Variants in RHBG observed in about 807,000 individuals in gnomAD.
The protein encoded by RHBG is Rh family B glycoprotein.
In RHBG, 39 loss-of-function variants were observed where a neutral mutation model predicts 40.1. The ratio of observed to expected loss-of-function variants is 0.97; its 90% confidence interval spans 0.75 to 1.27. RHBG has a LOEUF of 1.27. RHBG is among the 50% of genes most tolerant of loss of function. RHBG has a pLI of 0.00. For missense variants in RHBG, 549 were observed against 588.1 expected (o/e 0.93, Z 0.69); for synonymous variants, 237 against 252.5 (o/e 0.94, Z 0.58).
chr1:156,384,732 G>A, intron 9 of RHBG, 45 bp from the exon 10 acceptor site: 1 of 1,597,648 alleles, frequency 6.3e-7, no homozygotes, highest in South Asian at 1.1e-5. Flanking sequence ...TGGCTTCCAG[G>A]CTCCTGGAGC....
intron 1 of RHBG, 50 bp downstream of exon 1, chr1:156,369,486 A>G: frequency 6.5e-7 from 1 of 1,530,864 alleles, no homozygotes; most frequent in Non-Finnish European, 8.8e-7. Context: ...AAGATTTGCA[A>G]AGACCCTCCG....
chr1:156,383,913 A>C (rs1426987047), intron 8 of RHBG, among the ~76,000 whole-genome samples: 1 of 141,798 alleles, frequency 7.1e-6, no homozygotes, highest in Non-Finnish European at 1.5e-5. Context: ...AGCTCACTTC[A>C]ACCTCCACCT....
chr1:156,370,293 C>T (rs1666750279), intron 1 of RHBG, among the ~76,000 whole-genome samples: 1 of 151,936 alleles, frequency 6.6e-6, no homozygotes, highest in Non-Finnish European at 1.5e-5. Flanking sequence ...ACTAAAAATA[C>T]AAAAAATTAG....
intron 4 of RHBG, among the ~76,000 whole-genome samples, 165 bp from the exon 5 acceptor site, chr1:156,381,182 G>A (rs531679412): frequency 4.1e-4 from 62 of 152,272 alleles, no homozygotes; most frequent in Middle Eastern, 3.4e-3. Context: ...GATTACAGGC[G>A]TGAGCCACCG....
At chr1:156,382,712 C>G in intron 7 of RHBG, 36 bp from the exon 8 acceptor site, 1 of 1,612,920 alleles carries the variant, frequency 6.2e-7, no homozygotes, top group South Asian at 1.1e-5. Context: ...CTCTCTCTCC[C>G]TACCCCTGCC....
chr1:156,369,257 G>A lies in RHBG; in HGVS notation c.8G>A (p.Gly3Glu). ...GAGATCGCAGCCCAACCCATGGCCG[G>A]GTCTCCTAGCCGCGCCGCGGGCCGG... MA[G>E]SPSRAAGRRL... is the part of the protein sequence containing the mutation. The change falls in exon 1 of 10, where the codon GGG (glycine) becomes GAG (glutamate). Residue 3 changes from glycine (G) to glutamate (E), a missense_variant. This residue lies in a region of RHBG where 99 missense variants were observed against 85.2 expected (regional missense o/e 1.16). Coordinates refer to ENST00000537040, the MANE Select transcript of RHBG (RefSeq NM_020407.5). 1 of 1,612,866 alleles carries A rather than the reference G, an allele frequency of 6.2e-7. No individual in the cohort carries two copies. The highest frequency in any genetic ancestry group is 1.1e-5 in the South Asian group (1 of 91,010).
chr1:156,373,003 T>C (rs928518639), intron 1 of RHBG, among the ~76,000 whole-genome samples: 8 of 152,222 alleles, frequency 5.3e-5, no homozygotes, highest in African/African-American at 1.7e-4. Flanking sequence ...AAGCCCCAGC[T>C]TTAACAGCTG....
At chr1:156,381,070 C>T (rs1313911003) in intron 4 of RHBG, among the ~76,000 whole-genome samples, 1 of 152,062 alleles carries the variant, frequency 6.6e-6, no homozygotes, top group African/African-American at 2.4e-5. Flanking sequence ...CAGCTAATTC[C>T]TTTGTATTTT....
chr1:156,369,467 A>G, intron 1 of RHBG, 31 bp downstream of exon 1: 1 of 1,567,200 alleles, frequency 6.4e-7, no homozygotes, highest in Admixed American at 1.9e-5. Context: ...CGCGGGAAGC[A>G]AAGACCCCAA....
intron 1 of RHBG, among the ~76,000 whole-genome samples, chr1:156,376,241 T>C (rs1667188051): frequency 6.6e-6 from 1 of 152,214 alleles, no homozygotes; most frequent in Admixed American, 6.6e-5. Flanking sequence ...AGAGTCACCA[T>C]GTTGCACAAC....
At chr1:156,375,077 CT>C (rs1047305968) in intron 1 of RHBG, among the ~76,000 whole-genome samples, 60 of 140,642 alleles carry the variant, frequency 4.3e-4, no homozygotes, top group East Asian at 3.4e-3. Context: ...CCTCTAATTT[CT>C]TTTTTTTTTT....
At position 156,377,485 on chromosome 1, in the gene RHBG, G is replaced by A. The variant is rs1225472139; in HGVS notation, c.372G>A (p.Glu124=). The A allele has an allele frequency of 3.1e-6, 5 of 1,603,036 alleles. No individual in the cohort carries two copies. The highest frequency in any genetic ancestry group is 4.3e-6 in the Non-Finnish European group (5 of 1,171,060). The part of the protein sequence containing the change: ...FHGGHIHVGV[E]SMINADFCAG... ...GTGGCCACATCCATGTTGGCGTGGA[G>A]AGGTGGGCAGCCGCCACCCACCCAG... The change falls in exon 2 of 10, where the codon GAG becomes GAA. Residue 124 remains glutamate, a splice_region_variant and synonymous_variant. Transcript: ENST00000537040. The surrounding 1 kb of genome is among the most constrained non-coding windows in gnomAD (Gnocchi z 4.6).
chr1:156,378,156 G>T lies in RHBG; in HGVS notation c.525+16G>T. 1 of 1,606,174 alleles carries T rather than the reference G, an allele frequency of 6.2e-7. No individual in the cohort carries two copies. Among genetic ancestry groups the T allele is most frequent in the Non-Finnish European group, 8.5e-7 (1 of 1,175,652 alleles). On this transcript the variant is annotated intron_variant, in intron 3 of 9. Coordinates refer to ENST00000537040, the MANE Select transcript of RHBG (RefSeq NM_020407.5). ...TCTCCTGGGGGTGAGAGTCTGGGGA[G>T]GGATGGAGTCGGGGGTGGGGGGTGG...
intron 1 of RHBG, among the ~76,000 whole-genome samples, chr1:156,370,407 C>G (rs1221033129): frequency 2.0e-5 from 3 of 150,466 alleles, no homozygotes; most frequent in Non-Finnish European, 4.4e-5. Flanking sequence ...CAGGATCACG[C>G]CACTGCACTT....
Position 156,382,884 on chromosome 1 carries a change from A to AT in RHBG, c.1234+19dup, listed in dbSNP as rs1461467195. ...GGGCCTTGGAGGTGAGTAACCTTGG[A>AT]TTTTCTAGAGGAAGGGGCATGGGAT... On this transcript the variant is annotated intron_variant, in intron 8 of 9. Coordinates refer to ENST00000537040, the MANE Select transcript of RHBG (RefSeq NM_020407.5). 1 of 1,614,090 alleles carries AT rather than the reference A, an allele frequency of 6.2e-7. No homozygotes were observed. The highest frequency in any genetic ancestry group is 2.2e-5 in the East Asian group (1 of 44,884).
At chr1:156,369,945 G>A (rs533693520) in intron 1 of RHBG, among the ~76,000 whole-genome samples, 1 of 152,208 alleles carries the variant, frequency 6.6e-6, no homozygotes, top group Non-Finnish European at 1.5e-5. Flanking sequence ...TCGCCCACAC[G>A]TGTAGGCAGC....
At chr1:156,382,498 A>G in intron 7 of RHBG, 1 of 639,210 alleles carries the variant, frequency 1.6e-6, no homozygotes, top group Admixed American at 2.8e-5. Context: ...GGGCAAAAGC[A>G]ACCCGCAAAT....
chr1:156,384,506 A>C, intron 8 of RHBG, 21 bp from the exon 9 acceptor site: 1 of 1,611,742 alleles, frequency 6.2e-7, no homozygotes, highest in Non-Finnish European at 8.5e-7. Context: ...AGCCTCACAG[A>C]TCCTCCCCTA....
chr1:156,382,563 C>T (rs551515345), intron 7 of RHBG, 185 bp from the exon 8 acceptor site: 7 of 760,464 alleles, frequency 9.2e-6, no homozygotes, highest in African/African-American at 1.7e-5. Context: ...GGAAGGTGTT[C>T]CAGGCTGTGG....
Sources: gnomAD v4.1 joint callset for allele counts (sites outside exome capture counted in the v4.1 genomes callset) on GRCh38, gnomAD v4.1.1 for gene constraint, gnomAD v4.1.1 regional missense constraint, Gnocchi (gnomAD v3.1) non-coding constraint, MANE v1.5 for transcripts, NCBI Gene and HGNC (gene_info 2026-07-23, HGNC 2026-07-21) for gene names.